Variants in ZNF267 observed in about 807,000 individuals in gnomAD.
ZNF267 encodes zinc finger (C2H2).
ZNF267 carries 61 observed loss-of-function variants against 71.6 expected under a neutral mutation model. That is an observed-to-expected ratio of 0.85 (90% CI 0.69 to 1.05). ZNF267 has a LOEUF of 1.05. Ranked by LOEUF, ZNF267 falls within the 50% of genes least tolerant of loss-of-function variation. The pLI, the probability that ZNF267 is intolerant of heterozygous loss-of-function variation, is 0.00. For missense variants in ZNF267, 852 were observed against 870.0 expected, an observed-to-expected ratio of 0.98 and a Z score of 0.26; for synonymous variants, 288 against 293.2, an observed-to-expected ratio of 0.98 and a Z score of 0.18.
chr16:31,915,493 A>T lies in ZNF267; in HGVS notation c.1244A>T (p.Lys415Ile), dbSNP rs1384565993. The change falls in exon 4 of 4, where the codon AAA becomes ATA. Residue 415 changes from lysine to isoleucine, a missense_variant. Physicochemically the swap from Lys to Ile is moderately radical, Grantham distance 102. Coordinates refer to ENST00000300870, the MANE Select transcript of ZNF267 (RefSeq NM_003414.6). The stretch of plus-strand genomic sequence containing the variant: ...CCATACAAATGTAAAGAATGTGGCA[A>T]AGCCTTTCGCTGTAGTTCATACCTT... Reference protein sequence around the residue: ...EKPYKCKECGKAFRCSSYLTK... With the variant: ...EKPYKCKECGIAFRCSSYLTK... The T allele has an allele frequency of 6.2e-7, 1 of 1,613,738 alleles. No homozygotes were observed. Among genetic ancestry groups the T allele is most frequent in the Admixed American group, 1.7e-5 (1 of 60,006 alleles).
rs184487451 is a variant in ZNF267, at chr16:31,903,779, T to C, written c.227-10697T>C. On this transcript the variant is annotated intron_variant, in intron 3 of 3. Transcript: ENST00000300870. ...TTTTTTGAAGGGTTTTTTGTTTCTCTGTTTCCTTCAGTTCTGCTCTGATCT... is the reference window on the plus strand; with the variant it reads ...TTTTTTGAAGGGTTTTTTGTTTCTCCGTTTCCTTCAGTTCTGCTCTGATCT... Among the ~76,000 whole-genome samples, 210 of 152,358 alleles carry C rather than the reference T, an allele frequency of 1.4e-3. 1 individual carries two copies. Among genetic ancestry groups the C allele is most frequent in the Non-Finnish European group, 2.5e-3 (173 of 68,028 alleles).
chr16:31,896,262 T>G (rs959318011), intron 3 of ZNF267, among the ~76,000 whole-genome samples: 4 of 152,190 alleles, frequency 2.6e-5, no homozygotes, highest in African/African-American at 9.7e-5. Flanking sequence ...TTCTCCCACC[T>G]TGGCGTCCCA....
chr16:31,884,751 G>A, intron 2 of ZNF267, 127 bp downstream of exon 2: 1 of 1,008,150 alleles, frequency 9.9e-7, no homozygotes, highest in Non-Finnish European at 1.4e-6. Flanking sequence ...AAAAATAGGG[G>A]TTTTGTTGAA....
chr16:31,874,446 G>C (rs1453307681), intron 1 of ZNF267, among the ~76,000 whole-genome samples: 1 of 152,236 alleles, frequency 6.6e-6, no homozygotes, highest in Non-Finnish European at 1.5e-5. Context: ...TTGTGGTTCG[G>C]AGATCCCCAG....
chr16:31,885,327 A>C (rs1250040914), intron 3 of ZNF267, 71 bp downstream of exon 3: 1 of 1,360,984 alleles, frequency 7.3e-7, no homozygotes. Flanking sequence ...CAGACCTTGA[A>C]GTGTGGATTG....
chr16:31,886,106 C>G (rs2083922367), intron 3 of ZNF267, among the ~76,000 whole-genome samples: 1 of 152,024 alleles, frequency 6.6e-6, no homozygotes, highest in African/African-American at 2.4e-5. Context: ...TCTTTCTAGA[C>G]ATATGATTCT....
rs754059890 is a variant in ZNF267 at position 31,873,847 on chromosome 16, C to T, written c.-120C>T. ...CTCCTCGCCACAGCTCCGAGTCTTTCGTTCTGGGAGGCCCAGGCGGCTTCG... is the reference window on the plus strand; with the variant it reads ...CTCCTCGCCACAGCTCCGAGTCTTTTGTTCTGGGAGGCCCAGGCGGCTTCG... On this transcript the variant is annotated 5_prime_UTR_variant, in exon 1 of 4. Transcript: ENST00000300870. 2 of 1,404,826 alleles carry T rather than the reference C, an allele frequency of 1.4e-6. No individual in the cohort carries two copies. Among genetic ancestry groups the T allele is most frequent in the South Asian group, 1.2e-5 (1 of 85,564 alleles). The allele number at this position is 1,404,826 out of a possible 1,614,324, so 87.0% of individuals were successfully genotyped here.
chr16:31,877,917 T>C (rs2083863409), intron 1 of ZNF267, among the ~76,000 whole-genome samples: 1 of 152,154 alleles, frequency 6.6e-6, no homozygotes, highest in Non-Finnish European at 1.5e-5. Context: ...TGCTGAGTTA[T>C]TTGAGTAGAT....
intron 1 of ZNF267, chr16:31,875,048 T>A: frequency 8.7e-7 from 1 of 1,151,478 alleles, no homozygotes. Context: ...GACACTCCAC[T>A]GCAAAAAAAA....
In ZNF267 at chr16:31,915,606, C is replaced by G; in HGVS notation, c.1357C>G (p.Gln453Glu). The G allele has an allele frequency of 6.2e-7, 1 of 1,613,576 alleles. No homozygotes were observed. The highest frequency in any genetic ancestry group is 8.5e-7 in the Non-Finnish European group (1 of 1,179,928). ...KAFNRSSCLT[Q>E]HQTTHTGEKL... ...TTTTAACCGTAGTTCATGCCTTACT[C>G]AACATCAGACAACTCATACAGGAGA... The change falls in exon 4 of 4, where the codon CAA becomes GAA. Residue 453 changes from glutamine to glutamate, a missense_variant. Physicochemically the swap from Gln to Glu is conservative, Grantham distance 29 (BLOSUM62 2). Transcript: ENST00000300870.
Position 31,909,195 on chromosome 16 carries a change from C to T in ZNF267, c.227-5281C>T, listed in dbSNP as rs1189005074. ...AGGCTGGAGTGCAGTAGCACGATCT[C>T]GGCTCGGCTCACTGCAACCTCCGCC... On this transcript the variant is annotated intron_variant, in intron 3 of 3. Coordinates refer to ENST00000300870, the MANE Select transcript of ZNF267 (RefSeq NM_003414.6). 8.0e-5 allele frequency among the ~76,000 whole-genome samples: 11 copies of T among 137,428 alleles called. No individual in the cohort carries two copies. In the South Asian group the frequency reaches 2.4e-3, roughly 30 times the overall value. 90.2% of individuals were successfully genotyped at this position (137,428 alleles called of 152,430 possible).
At chr16:31,894,454 G>GTTT in intron 3 of ZNF267, 8 of 404,616 alleles carry the variant, frequency 2.0e-5, no homozygotes, top group East Asian at 1.3e-4. Flanking sequence ...ACCTGTTAGT[G>GTTT]TTTTTTTTTT....
In ZNF267 at chr16:31,884,624, G is replaced by T. The variant is rs1303191310; in HGVS notation, c.130G>T (p.Gly44Cys). 1.2e-6 allele frequency: 2 copies of T among 1,610,868 alleles called. No individual in the cohort carries two copies. The highest frequency in any genetic ancestry group is 1.7e-6 in the Non-Finnish European group (2 of 1,178,950). ...AAACTACAGAAACCTGGTCTCTCTG[G>T]GTGAGGATAACTTGCCTTCGGAATA... ...LENYRNLVSL[G>C]LVVSKPDLIT... Residue 44 changes from glycine to cysteine, a missense_variant and splice_region_variant, in exon 2 of 4, where the codon GGT (glycine) becomes TGT (cysteine). Coordinates refer to ENST00000300870, the MANE Select transcript of ZNF267 (RefSeq NM_003414.6).
At position 31,917,257 on chromosome 16, in the gene ZNF267, T is replaced by G. The variant is rs1374455672; in HGVS notation, c.*776T>G. On this transcript the variant is annotated 3_prime_UTR_variant, in exon 4 of 4. Transcript: ENST00000300870. ...GCCAAATGTAAAACACATGAAAATT[T>G]TTAAAAATATGCTCTTTGTGTTTGA... is the stretch of plus-strand genomic sequence containing the variant. 1.3e-5 allele frequency: 2 copies of G among 152,186 alleles called. No homozygotes were observed. Among genetic ancestry groups the G allele is most frequent in the East Asian group, 3.8e-4 (2 of 5,204 alleles). 9.4% of individuals were successfully genotyped at this position (152,186 alleles called of 1,614,324 possible). A position where few individuals can be genotyped will look rare whatever the true frequency, so the allele number is the denominator to read the frequency against.
chr16:31,886,238 C>T (rs918281966), intron 3 of ZNF267, among the ~76,000 whole-genome samples: 2 of 152,118 alleles, frequency 1.3e-5, no homozygotes, highest in Admixed American at 6.5e-5. Context: ...CATTAGATGC[C>T]AATTTTTGTG....
intron 1 of ZNF267, chr16:31,875,093 A>C: frequency 7.8e-7 from 1 of 1,284,760 alleles, no homozygotes; most frequent in Non-Finnish European, 1.0e-6. Flanking sequence ...CCCCAGGCAC[A>C]GACACGTTAT....
At position 31,915,766 on chromosome 16, in the gene ZNF267, G is replaced by C. The variant is rs2084170969; in HGVS notation, c.1517G>C (p.Cys506Ser). The change falls in exon 4 of 4, where the codon TGC becomes TCC. Residue 506 changes from cysteine to serine, a missense_variant. Transcript: ENST00000300870. ...ECGKVFSRSS[C>S]LTQHRKIHTG... ...GGCAAAGTCTTTAGCCGTAGTTCTT[G>C]CCTTACTCAACATCGGAAAATTCAT... 6.2e-7 allele frequency: 1 copy of C among 1,612,644 alleles called. No individual in the cohort carries two copies. The highest frequency in any genetic ancestry group is 8.5e-7 in the Non-Finnish European group (1 of 1,179,816).
Position 31,916,300 on chromosome 16 carries a change from G to A in ZNF267, c.2051G>A (p.Gly684Glu), listed in dbSNP as rs1196585934. The change falls in exon 4 of 4, where the codon GGA (glycine) becomes GAA (glutamate). Residue 684 changes from glycine (G) to glutamate (E), a missense_variant. By Grantham distance (98) the Gly-to-Glu change is moderately conservative. Transcript: ENST00000300870. ...YLTTHRRRHT[G>E]ERPYKCDECG... ...ACTACACATCGGAGAAGACATACTG[G>A]AGAGAGACCCTACAAATGTGATGAA... The A allele has an allele frequency of 6.2e-7, 1 of 1,614,084 alleles. No homozygotes were observed. The highest frequency in any genetic ancestry group is 8.5e-7 in the Non-Finnish European group (1 of 1,179,994).
chr16:31,889,809 G>C (rs2083947808), intron 3 of ZNF267, among the ~76,000 whole-genome samples: 1 of 152,148 alleles, frequency 6.6e-6, no homozygotes, highest in African/African-American at 2.4e-5. Flanking sequence ...ATTCTTGAGG[G>C]ATCTGCCCCT....
Sources: allele counts gnomAD v4.1 joint callset (sites outside exome capture counted in the v4.1 genomes callset), GRCh38; gene constraint gnomAD v4.1.1; transcripts MANE v1.5; gene names NCBI Gene and HGNC (gene_info 2026-07-23, HGNC 2026-07-21).